The following SEMA6D variants were observed in gnomAD, a reference collection of about 807,000 sequenced individuals.
The protein encoded by SEMA6D is semaphorin-6D.
In SEMA6D, 35 loss-of-function variants were observed where a neutral mutation model predicts 106.6. That is an observed-to-expected ratio of 0.33 (90% CI 0.25 to 0.44). The LOEUF (loss-of-function observed/expected upper bound fraction) is 0.44. Ranked by LOEUF, SEMA6D falls within the 20% of genes least tolerant of loss-of-function variation. The pLI is 1.00. For synonymous variants in SEMA6D, 499 were observed against 487.7 expected (o/e 1.02, Z -0.31); for missense variants, 1,185 against 1,345.9 (o/e 0.88, Z 1.87).
intron 1 of SEMA6D, among the ~76,000 whole-genome samples, chr15:47,314,597 C>CAAAAAAAAAAAAAA (rs764929520): frequency 0.025 from 605 of 23,956 alleles, 23 homozygotes; most frequent in Non-Finnish European, 0.048. Context: ...GACTCCATCT[C>CAAAAAAAAAAAAAA]AAAAAAAAAA....
intron 3 of SEMA6D, among the ~76,000 whole-genome samples, chr15:47,561,556 C>T (rs1283691884): frequency 6.6e-6 from 1 of 151,240 alleles, no homozygotes; most frequent in Non-Finnish European, 1.5e-5. Context: ...CTGAAGAATA[C>T]AGGATATTTT....
At chr15:47,621,562 C>T (rs988393579) in intron 4 of SEMA6D, among the ~76,000 whole-genome samples, 7 of 152,200 alleles carry the variant, frequency 4.6e-5, no homozygotes, top group African/African-American at 1.4e-4. Flanking sequence ...TGCCTGAGTT[C>T]ATAGCCACAC....
In SEMA6D at chr15:47,768,641, A is replaced by G; in HGVS notation, c.1826A>G (p.Lys609Arg). The change falls in exon 18 of 19, where the codon AAA (lysine) becomes AGA (arginine). Residue 609 changes from lysine to arginine, a missense_variant. Around this residue, in one of 3 missense-constraint regions of SEMA6D, gnomAD observed 750 missense variants for 783.5 expected, o/e 0.96. Transcript: ENST00000536845. ...GCAAGTATCCCAGAAATCACACCTA[A>G]AGTGATTGATACCTGGAGACCTAAA... ...TMASIPEITPKVIDTWRPKLT... is the reference protein window; with the variant it reads ...TMASIPEITPRVIDTWRPKLT... 1 of 1,613,320 alleles carries G rather than the reference A, an allele frequency of 6.2e-7. No homozygotes were observed. The highest frequency in any genetic ancestry group is 8.5e-7 in the Non-Finnish European group (1 of 1,179,372).
intron 3 of SEMA6D, among the ~76,000 whole-genome samples, chr15:47,483,812 T>C (rs1195711832): frequency 6.6e-6 from 1 of 152,152 alleles, no homozygotes; most frequent in Non-Finnish European, 1.5e-5. Context: ...TTCATTTTCA[T>C]GGCCAAGGAA....
Position 47,494,714 on chromosome 15 carries a change from A to G in SEMA6D, c.-87+24169A>G, listed in dbSNP as rs184163870. 5.4e-3 allele frequency among the ~76,000 whole-genome samples: 730 copies of G among 135,328 alleles called. 4 individuals are homozygous for G. The highest frequency in any genetic ancestry group is 8.5e-3 in the Non-Finnish European group (528 of 62,430). 88.8% of individuals were successfully genotyped at this position (135,328 alleles called of 152,430 possible). ...ATTTTTCTTCTAACCTCTAAAGTAC[A>G]TTTAAAAATCTGGAGAGTGGGATGG... is the stretch of plus-strand genomic sequence containing the variant. On this transcript the variant is annotated intron_variant, in intron 3 of 19. Coordinates refer to the SEMA6D transcript ENST00000558014.
At chr15:47,666,348 C>T (rs1188215663) in intron 4 of SEMA6D, among the ~76,000 whole-genome samples, 2 of 152,138 alleles carry the variant, frequency 1.3e-5, no homozygotes, top group Non-Finnish European at 2.9e-5. Context: ...CCCTATTTTG[C>T]CCCTGTTGAG....
chr15:47,273,448 C>CT (rs1295452411), intron 1 of SEMA6D, among the ~76,000 whole-genome samples: 3 of 152,128 alleles, frequency 2.0e-5, no homozygotes, highest in Admixed American at 6.6e-5. Flanking sequence ...TGAATAAAAG[C>CT]TTTTGATAGT....
intron 4 of SEMA6D, among the ~76,000 whole-genome samples, chr15:47,655,095 G>A (rs1042963684): frequency 3.3e-5 from 5 of 151,994 alleles, no homozygotes; most frequent in African/African-American, 1.2e-4. Context: ...AAGGCCAACC[G>A]TATATGATAC....
intron 2 of SEMA6D, among the ~76,000 whole-genome samples, chr15:47,443,541 C>T (rs1271525582): frequency 6.6e-6 from 1 of 152,130 alleles, no homozygotes; most frequent in African/African-American, 2.4e-5. Flanking sequence ...CACCATCTGA[C>T]TGCAGCCTCA....
intron 4 of SEMA6D, chr15:47,603,227 C>G (rs999129): frequency 1.3e-5 from 2 of 152,050 alleles, no homozygotes; most frequent in South Asian, 2.1e-4. Context: ...CGTGACTCAC[C>G]ACTCAGCATC....
At position 47,521,170 on chromosome 15, in the gene SEMA6D, T is replaced by G. The variant is rs147953414; in HGVS notation, c.-87+50625T>G. 2.2e-3 allele frequency among the ~76,000 whole-genome samples: 328 copies of G among 152,274 alleles called. 1 individual carries two copies. The highest frequency in any genetic ancestry group is 7.7e-3 in the African/African-American group (318 of 41,560). On this transcript the variant is annotated intron_variant, in intron 3 of 19. Coordinates refer to the SEMA6D transcript ENST00000558014. Reference sequence around the variant, plus strand: ...TGGACTCATTCAGTTATGCATTCATTCACATGACCTGGCTGAACACAGGTT... The same window carrying G: ...TGGACTCATTCAGTTATGCATTCATGCACATGACCTGGCTGAACACAGGTT...
At chr15:47,400,675 C>G (rs2040369735) in intron 1 of SEMA6D, among the ~76,000 whole-genome samples, 1 of 152,040 alleles carries the variant, frequency 6.6e-6, no homozygotes, top group African/African-American at 2.4e-5. Flanking sequence ...CTTGGTTGTC[C>G]AAGGAGTCTT....
intron 1 of SEMA6D, among the ~76,000 whole-genome samples, chr15:47,389,193 C>T (rs12910487): frequency 0.22 from 33,144 of 151,788 alleles, 3,852 homozygotes; most frequent in Middle Eastern, 0.33. Context: ...GAATAGTATT[C>T]GTCTCTACTT....
chr15:47,323,837 C>G (rs2037022187), intron 1 of SEMA6D, among the ~76,000 whole-genome samples: 1 of 152,086 alleles, frequency 6.6e-6, no homozygotes, highest in Non-Finnish European at 1.5e-5. Flanking sequence ...TATTTTATAT[C>G]TACTAAAATT....
Position 47,677,969 on chromosome 15 carries a change from GA to G in SEMA6D, c.-55+77080del, listed in dbSNP as rs537980739. 4.6e-5 allele frequency among the ~76,000 whole-genome samples: 7 copies of G among 152,064 alleles called. No homozygotes were observed. In the South Asian group the frequency reaches 1.5e-3, roughly 32 times the overall value. On this transcript the variant is annotated intron_variant, in intron 4 of 19. Transcript: ENST00000558014. ...TTCAACTAAATTAAAAACCTCAATA[GA>G]AAAAAAGGGAGTGTGAAAATGGGAA...
At chr15:47,425,840 T>A (rs1337174209) in intron 2 of SEMA6D, among the ~76,000 whole-genome samples, 8 of 151,990 alleles carry the variant, frequency 5.3e-5, no homozygotes, top group Non-Finnish European at 1.2e-4. Flanking sequence ...GGGGACACTT[T>A]TAGGACTGGA....
intron 4 of SEMA6D, among the ~76,000 whole-genome samples, chr15:47,658,036 A>C (rs1390365119): frequency 6.6e-6 from 1 of 151,900 alleles, no homozygotes; most frequent in Non-Finnish European, 1.5e-5. Context: ...CACCACGCCC[A>C]GCAGGGCTTC....
At chr15:47,217,402 C>G (rs8040414) in intron 1 of SEMA6D, among the ~76,000 whole-genome samples, 10 of 151,838 alleles carry the variant, frequency 6.6e-5, no homozygotes, top group African/African-American at 2.4e-4. Flanking sequence ...TAGCAAACAA[C>G]TGGAAAACAA....
chr15:47,724,206 A>T (rs563063672), intron 1 of SEMA6D, among the ~76,000 whole-genome samples: 1 of 152,382 alleles, frequency 6.6e-6, no homozygotes, highest in Admixed American at 6.5e-5. Flanking sequence ...AAGAGGAGGC[A>T]GAAGAAGGAA....
Sources: gnomAD v4.1 joint callset for allele counts (sites outside exome capture counted in the v4.1 genomes callset) on GRCh38, gnomAD v4.1.1 for gene constraint, gnomAD v4.1.1 regional missense constraint, MANE v1.5 for transcripts, NCBI Gene and HGNC (gene_info 2026-07-23, HGNC 2026-07-21) for gene names.